NIPAL1: variants seen among roughly 807,000 people sequenced by gnomAD.
The protein encoded by NIPAL1 is magnesium transporter NIPA3.
Under a neutral mutation model 37.7 loss-of-function variants are expected in NIPAL1, and 35 were observed. The observed-to-expected ratio is 0.93, with a 90% confidence interval of 0.71 to 1.23. The LOEUF (loss-of-function observed/expected upper bound fraction) is 1.23. Among genes scored for constraint, NIPAL1 ranks in the 50% most tolerant of loss-of-function variants. The pLI, the probability that NIPAL1 is intolerant of heterozygous loss-of-function variation, is 0.00. For missense variants in NIPAL1, 412 were observed against 473.9 expected (o/e 0.87, Z 1.21); for synonymous variants, 162 against 183.0 (o/e 0.89, Z 0.93).
intron 1 of NIPAL1, 108 bp from the exon 2 acceptor site, chr4:48,024,960 A>G (rs1715653410): frequency 2.1e-6 from 2 of 938,484 alleles, no homozygotes; most frequent in Admixed American, 2.2e-5. Flanking sequence ...TACATGTAGT[A>G]AAATGTTTCA....
intron 3 of NIPAL1, among the ~76,000 whole-genome samples, chr4:48,031,526 A>T (rs1167673062): frequency 6.6e-6 from 1 of 152,148 alleles, no homozygotes; most frequent in Non-Finnish European, 1.5e-5. Context: ...AAATATGAGG[A>T]GAGTATTATG....
chr4:48,035,878 C>T lies in NIPAL1; in HGVS notation c.939C>T (p.Phe313=). The part of the protein sequence containing the change: ...TSLVTPIYYV[F]FTSMVVTCSA... The stretch of plus-strand genomic sequence containing the variant: ...TTGTGACACCCATTTATTATGTATT[C>T]TTCACATCCATGGTAGTGACTTGCT... The change falls in exon 6 of 6, where the codon TTC becomes TTT. Residue 313 remains phenylalanine, a synonymous_variant. Coordinates refer to ENST00000295461, the MANE Select transcript of NIPAL1 (RefSeq NM_207330.3). The T allele has an allele frequency of 6.2e-7, 1 of 1,613,844 alleles. No homozygotes were observed. Among genetic ancestry groups the T allele is most frequent in the South Asian group, 1.1e-5 (1 of 91,076 alleles).
chr4:48,030,651 C>T (rs1014160132), intron 3 of NIPAL1, among the ~76,000 whole-genome samples: 2 of 152,222 alleles, frequency 1.3e-5, no homozygotes, highest in African/African-American at 4.8e-5. Flanking sequence ...AGGGTGTCAG[C>T]ACTCTCCTTC....
chr4:48,025,078 G>C lies in NIPAL1; in HGVS notation c.57G>C (p.Leu19=). 6.2e-7 allele frequency: 1 copy of C among 1,613,726 alleles called. No individual in the cohort carries two copies. Among genetic ancestry groups the C allele is most frequent in the Non-Finnish European group, 8.5e-7 (1 of 1,179,668 alleles). The change falls in exon 2 of 6, where the codon CTG becomes CTC. Residue 19 remains leucine (L), a synonymous_variant. Coordinates refer to ENST00000295461, the MANE Select transcript of NIPAL1 (RefSeq NM_207330.3). The stretch of plus-strand genomic sequence containing the variant: ...TTTCCTTTTTTCCAGGATATGTGCT[G>C]TCTCTGGTCTGTCCAAACTCCTCCC... The part of the protein sequence containing the change: ...PGEPCREGYV[L]SLVCPNSSQA...
chr4:48,030,159 G>A lies in NIPAL1; in HGVS notation c.353G>A (p.Trp118Ter), dbSNP rs1342025276. The A allele has an allele frequency of 1.3e-6, 2 of 1,599,882 alleles. No homozygotes were observed. The highest frequency in any genetic ancestry group is 4.5e-5 in the East Asian group (2 of 44,704). Residue 118 changes from tryptophan (W) to a stop codon, truncating the protein, a stop_gained, in exon 3 of 6, where the codon TGG becomes TAG. Transcript: ENST00000295461. LOFTEE classifies it high-confidence loss of function. Reference sequence around the variant, plus strand: ...TCTTACCTGAAGGAATGGCTCTGGTGGGTAGGATTGCTGTCAAGTAAGTTT... The same window carrying A: ...TCTTACCTGAAGGAATGGCTCTGGTAGGTAGGATTGCTGTCAAGTAAGTTT... ...GHSYLKEWLW[W>*]VGLLSMGAGE...
At position 48,037,514 on chromosome 4, in the gene NIPAL1, G is replaced by C. The variant is rs1183719939; in HGVS notation, c.*1342G>C. On this transcript the variant is annotated 3_prime_UTR_variant, in exon 6 of 6. Transcript: ENST00000295461. ...CAAATGTTTTATCCCTAAAGAGTGA[G>C]TTTTCCACAGACTGTTTGGAAGCAA... 6.0e-6 allele frequency: 1 copy of C among 166,454 alleles called. No homozygotes were observed. The highest frequency in any genetic ancestry group is 2.4e-5 in the African/African-American group (1 of 41,600). The allele number at this position is 166,454 out of a possible 1,614,324, so 10.3% of individuals were successfully genotyped here.
rs377608888 is a variant in NIPAL1, at chr4:48,035,980, T to C, written c.1041T>C (p.Ile347=). The change falls in exon 6 of 6, where the codon ATT becomes ATC. Residue 347 remains isoleucine, a synonymous_variant. Transcript: ENST00000295461. ...IIGTLSGFFT[I]IIGIFLLHAF... ...GGACCCTGAGTGGATTCTTCACTAT[T>C]ATCATTGGCATCTTCCTTCTACATG... 1.2e-6 allele frequency: 2 copies of C among 1,613,554 alleles called. No homozygotes were observed. Among genetic ancestry groups the C allele is most frequent in the Non-Finnish European group, 1.7e-6 (2 of 1,179,530 alleles).
chr4:48,034,930 A>G lies in NIPAL1; in HGVS notation c.511A>G (p.Lys171Glu). ...AAACGAGCACTTGAACATTCATGGG[A>G]AAATAGGCTGCATATTAAGTATATT... The part of the protein sequence containing the change: ...FLNEHLNIHG[K>E]IGCILSILGS... Residue 171 changes from lysine (K) to glutamate (E), a missense_variant, in exon 5 of 6, where the codon AAA becomes GAA. Lys to Glu is a moderately conservative substitution (Grantham distance 56, BLOSUM62 1). Coordinates refer to ENST00000295461, the MANE Select transcript of NIPAL1 (RefSeq NM_207330.3). 3.7e-6 allele frequency: 6 copies of G among 1,612,862 alleles called. No individual in the cohort carries two copies. The highest frequency in any genetic ancestry group is 5.1e-6 in the Non-Finnish European group (6 of 1,178,854).
At position 48,039,807 on chromosome 4, in the gene NIPAL1, G is replaced by C. The variant is rs1716040110; in HGVS notation, c.*3635G>C. The C allele has an allele frequency of 6.6e-6, 1 of 152,160 alleles. No individual in the cohort carries two copies. The highest frequency in any genetic ancestry group is 1.5e-5 in the Non-Finnish European group (1 of 68,036). The allele number at this position is 152,160 out of a possible 1,614,324, so 9.4% of individuals were successfully genotyped here. The stretch of plus-strand genomic sequence containing the variant: ...TTGAATTCTTACAGTCTTGTCACTA[G>C]AGACTTAAAAGGACCATTGAGTGCC... On this transcript the variant is annotated 3_prime_UTR_variant, in exon 6 of 6. Transcript: ENST00000295461.
At position 48,036,363 on chromosome 4, in the gene NIPAL1, T is replaced by C. The variant is rs1197100676; in HGVS notation, c.*191T>C. On this transcript the variant is annotated 3_prime_UTR_variant, in exon 6 of 6. Coordinates refer to ENST00000295461, the MANE Select transcript of NIPAL1 (RefSeq NM_207330.3). ...ATCAAATTGATTATCCTCCAGAATC[T>C]CTACAAACTTTGAAATACTCTCTAA... is the stretch of plus-strand genomic sequence containing the variant. 2 of 536,234 alleles carry C rather than the reference T, an allele frequency of 3.7e-6. No homozygotes were observed. The highest frequency in any genetic ancestry group is 6.4e-6 in the Non-Finnish European group (2 of 310,140). The allele number at this position is 536,234 out of a possible 1,614,324, so 33.2% of individuals were successfully genotyped here. A position where few individuals can be genotyped will look rare whatever the true frequency, so the allele number is the denominator to read the frequency against.
Position 48,036,262 on chromosome 4 carries a change from A to T in NIPAL1, c.*90A>T. 7.6e-7 allele frequency: 1 copy of T among 1,318,184 alleles called. No homozygotes were observed. The highest frequency in any genetic ancestry group is 1.0e-6 in the Non-Finnish European group (1 of 964,628). 81.7% of individuals were successfully genotyped at this position (1,318,184 alleles called of 1,614,324 possible). ...TCTTGGAAGAACTGCTAGGAAAGTT[A>T]GCATTTTTGCAGTTCTAACTAATTT... On this transcript the variant is annotated 3_prime_UTR_variant, in exon 6 of 6. Coordinates refer to ENST00000295461, the MANE Select transcript of NIPAL1 (RefSeq NM_207330.3).
Position 48,035,041 on chromosome 4 carries a change from G to A in NIPAL1, c.622G>A (p.Gly208Arg). Residue 208 changes from glycine (G) to arginine (R), a missense_variant and splice_region_variant, in exon 5 of 6, where the codon GGG becomes AGG. Gly to Arg is a moderately radical substitution (Grantham distance 125). Coordinates refer to ENST00000295461, the MANE Select transcript of NIPAL1 (RefSeq NM_207330.3). Reference protein sequence around the residue: ...HEMEMKLRDPGFISFAVIITV... With the variant: ...HEMEMKLRDPRFISFAVIITV... ...AATGGAAATGAAATTGAGAGACCCA[G>A]GTCTGTGATTCAACCTAAAGAACCA... 2 of 1,613,012 alleles carry A rather than the reference G, an allele frequency of 1.2e-6. No homozygotes were observed. The highest frequency in any genetic ancestry group is 1.7e-6 in the Non-Finnish European group (2 of 1,179,212).
intron 2 of NIPAL1, among the ~76,000 whole-genome samples, chr4:48,026,773 C>T (rs1715702032): frequency 6.6e-6 from 1 of 150,528 alleles, no homozygotes; most frequent in African/African-American, 2.5e-5. Context: ...GGCTGGAGTA[C>T]AGTGGCATGA....
chr4:48,031,959 G>A (rs962777160), intron 3 of NIPAL1, among the ~76,000 whole-genome samples: 2 of 152,144 alleles, frequency 1.3e-5, no homozygotes, highest in East Asian at 1.9e-4. Context: ...GGCTGATCTC[G>A]AACGCCTGAC....
chr4:48,029,754 A>T (rs1372968875), intron 2 of NIPAL1, among the ~76,000 whole-genome samples: 1 of 152,214 alleles, frequency 6.6e-6, no homozygotes, highest in Non-Finnish European at 1.5e-5. Flanking sequence ...AAAGTTCTTT[A>T]AAAAATGCAT....
Position 48,037,235 on chromosome 4 carries a change from A to C in NIPAL1, c.*1063A>C, listed in dbSNP as rs1318514240. The C allele has an allele frequency of 2.3e-6, 1 of 427,450 alleles. No homozygotes were observed. The highest frequency in any genetic ancestry group is 4.6e-6 in the Non-Finnish European group (1 of 218,852). The allele number at this position is 427,450 out of a possible 1,614,324, so 26.5% of individuals were successfully genotyped here. On this transcript the variant is annotated 3_prime_UTR_variant, in exon 6 of 6. Coordinates refer to ENST00000295461, the MANE Select transcript of NIPAL1 (RefSeq NM_207330.3). ...GAAAAATACTTCAGATAAAGGAAAA[A>C]GTTTTCTTCTCACAAAAACACAGAC...
intron 1 of NIPAL1, among the ~76,000 whole-genome samples, chr4:48,020,140 A>G (rs1715540390): frequency 6.6e-6 from 1 of 152,200 alleles, no homozygotes; most frequent in Non-Finnish European, 1.5e-5. Context: ...GTAGTACACC[A>G]TACATATTTG....
Position 48,025,058 on chromosome 4 carries a change from T to G in NIPAL1, c.47-10T>G. 1 of 1,608,926 alleles carries G rather than the reference T, an allele frequency of 6.2e-7. No homozygotes were observed. The highest frequency in any genetic ancestry group is 8.5e-7 in the Non-Finnish European group (1 of 1,176,474). On this transcript the variant is annotated splice_polypyrimidine_tract_variant and intron_variant, in intron 1 of 5. Coordinates refer to ENST00000295461, the MANE Select transcript of NIPAL1 (RefSeq NM_207330.3). Reference sequence around the variant, plus strand: ...TCATTCCTGACATTCTCTTCTTTCCTTTTTTCCAGGATATGTGCTGTCTCT... The same window carrying G: ...TCATTCCTGACATTCTCTTCTTTCCGTTTTTCCAGGATATGTGCTGTCTCT...
chr4:48,025,460 A>G (rs1186290191), intron 2 of NIPAL1, 126 bp downstream of exon 2: 5 of 922,302 alleles, frequency 5.4e-6, no homozygotes, highest in Non-Finnish European at 6.5e-6. Context: ...TTCCATATGG[A>G]TGTTAGAAAA....
Sources: gnomAD v4.1 joint callset for allele counts (sites outside exome capture counted in the v4.1 genomes callset) on GRCh38, gnomAD v4.1.1 for gene constraint, MANE v1.5 for transcripts, NCBI Gene and HGNC (gene_info 2026-07-23, HGNC 2026-07-21) for gene names.